PDK2: variants seen among roughly 807,000 people sequenced by gnomAD.
PDK2 encodes the protein pyruvate dehydrogenase kinase, isozyme 2.
PDK2 carries 34 observed loss-of-function variants against 50.4 expected under a neutral mutation model. That is an observed-to-expected ratio of 0.68 (90% CI 0.51 to 0.90). PDK2 has a LOEUF of 0.90. Among genes scored for constraint, PDK2 ranks in the 40% least tolerant of loss-of-function variants. PDK2 has a pLI of 0.00. For synonymous variants in PDK2, 232 were observed against 216.0 expected, an observed-to-expected ratio of 1.07 and a Z score of -0.65; for missense variants, 377 against 544.5, an observed-to-expected ratio of 0.69 and a Z score of 3.06.
rs986303675 is a variant in PDK2, at chr17:50,105,102, C to T, written c.261-269C>T. Among the ~76,000 whole-genome samples the T allele has an allele frequency of 2.0e-5, 3 of 152,186 alleles. No individual in the cohort carries two copies. The South Asian group carries it at 6.2e-4, about 32-fold the overall frequency. On this transcript the variant is annotated intron_variant, in intron 2 of 10. Coordinates refer to ENST00000503176, the MANE Select transcript of PDK2 (RefSeq NM_002611.5). ...TCTTAGATGGGATCATCTCCAAGCC[C>T]CTTCTGAGAGGACTATTCTAGGATT...
rs1316896931 is a variant in PDK2 at position 50,101,911 on chromosome 17, C to A, written c.261-3460C>A. 6.6e-6 allele frequency: 1 copy of A among 152,236 alleles called. No homozygotes were observed. The highest frequency in any genetic ancestry group is 2.4e-5 in the African/African-American group (1 of 41,440). 9.4% of individuals were successfully genotyped at this position (152,236 alleles called of 1,614,324 possible). A position where few individuals can be genotyped will look rare whatever the true frequency, so the allele number is the denominator to read the frequency against. ...AAGGGACTCCTGGGGGCCTTGATTA[C>A]TGCAGAGGTCAGCAGGCCCAGAGAC... On this transcript the variant is annotated intron_variant, in intron 2 of 10. Transcript: ENST00000503176. This position sits in a 1 kb window ranked among gnomAD's most constrained non-coding sequence, Gnocchi z 4.2.
chr17:50,105,792 AG>A, intron 3 of PDK2, 92 bp from the exon 4 acceptor site: 1 of 1,481,484 alleles, frequency 6.7e-7, no homozygotes, highest in South Asian at 1.3e-5. Flanking sequence ...CGGATTGGGA[AG>A]GGTAGAGCGG....
At chr17:50,107,318 C>T (rs1910568149) in intron 6 of PDK2, among the ~76,000 whole-genome samples, 165 bp downstream of exon 6, 1 of 152,292 alleles carries the variant, frequency 6.6e-6, no homozygotes, top group Non-Finnish European at 1.5e-5. Context: ...CAGTGGCTCA[C>T]ACCTGTAATC....
rs35550088 is a variant in PDK2 at position 50,097,524 on chromosome 17, C to A, written c.220C>A (p.Arg74=). 1,782 of 1,613,800 alleles carry A rather than the reference C, an allele frequency of 1.1e-3. 25 individuals are homozygous for A. The African/African-American group carries it at 0.02, about 19-fold the overall frequency. Residue 74 remains arginine, a synonymous_variant, in exon 2 of 11, where the codon CGA becomes AGA. Transcript: ENST00000503176. ...GAAAGAGATCAACCTGCTTCCCGAC[C>A]GAGTGCTGAGCACACCCTCCGTGCA... ...IMKEINLLPD[R]VLSTPSVQLV... is the part of the protein sequence containing the mutation.
intron 6 of PDK2, among the ~76,000 whole-genome samples, chr17:50,107,719 C>T (rs965733605): frequency 6.6e-6 from 1 of 152,110 alleles, no homozygotes; most frequent in Non-Finnish European, 1.5e-5. Context: ...AGTAAATAAA[C>T]AAGACCATCT....
chr17:50,097,323 C>T (rs1598206929), intron 1 of PDK2, 100 bp from the exon 2 acceptor site: 5 of 1,288,268 alleles, frequency 3.9e-6, no homozygotes, highest in East Asian at 2.5e-5. Flanking sequence ...CACTTGCTCT[C>T]TGAGCCCCCT....
chr17:50,098,938 G>A (rs1000297765), intron 2 of PDK2: 3 of 152,428 alleles, frequency 2.0e-5, no homozygotes, highest in African/African-American at 7.2e-5. Context: ...CCTGGGCAAA[G>A]GTGTGGAGAC....
At chr17:50,106,694 A>G (rs944518049) in intron 4 of PDK2, 100 bp from the exon 5 acceptor site, 8 of 943,210 alleles carry the variant, frequency 8.5e-6, no homozygotes, top group African/African-American at 3.2e-5. Context: ...CTACAGAGGC[A>G]TTGGAGGTGA....
intron 2 of PDK2, among the ~76,000 whole-genome samples, chr17:50,103,676 C>T (rs558293002): frequency 1.3e-5 from 2 of 152,316 alleles, no homozygotes; most frequent in South Asian, 4.1e-4. Flanking sequence ...TTCTTTCACT[C>T]TCTTCTCTGT....
chr17:50,097,173 C>T (rs1909993920), intron 1 of PDK2, among the ~76,000 whole-genome samples: 1 of 152,130 alleles, frequency 6.6e-6, no homozygotes, highest in South Asian at 2.1e-4. Context: ...CCAGGAGTGG[C>T]CCTGTCCACT....
At position 50,109,981 on chromosome 17, in the gene PDK2, C is replaced by T. The variant is rs753576681; in HGVS notation, c.1108C>T (p.Arg370Cys). 5.1e-6 allele frequency: 8 copies of T among 1,581,630 alleles called. No individual in the cohort carries two copies. The highest frequency in any genetic ancestry group is 1.3e-5 in the African/African-American group (1 of 74,288). The change falls in exon 11 of 11, where the codon CGC becomes TGC. Residue 370 changes from arginine to cysteine, a missense_variant. By Grantham distance (180) the Arg-to-Cys change is radical. Transcript: ENST00000503176. The surrounding 1 kb of genome is among the most constrained non-coding windows in gnomAD (Gnocchi z 5.0). ...GGCCCTGTCCACGGACTCGGTGGAGCGCCTGCCTGTCTACAACAAGTCAGC... is the reference window on the plus strand; with the variant it reads ...GGCCCTGTCCACGGACTCGGTGGAGTGCCTGCCTGTCTACAACAAGTCAGC... ...LKALSTDSVE[R>C]LPVYNKSAWR...
chr17:50,106,191 G>C (rs1047957436), intron 4 of PDK2, 122 bp downstream of exon 4: 6 of 1,506,604 alleles, frequency 4.0e-6, no homozygotes, highest in Admixed American at 2.1e-5. Context: ...TCTTTGAATA[G>C]TTACTCCAGT....
Position 50,109,249 on chromosome 17 carries a change from A to G in PDK2, c.970-38A>G, listed in dbSNP as rs913117332. The stretch of plus-strand genomic sequence containing the variant: ...CCTGCAGCTCCAGGAGGCCCCTGCC[A>G]GCCTCCTCATCCTCACTGCCTTCCT... On this transcript the variant is annotated intron_variant, in intron 9 of 10. Transcript: ENST00000503176. The surrounding 1 kb of genome is among the most constrained non-coding windows in gnomAD (Gnocchi z 5.0). 1 of 1,375,436 alleles carries G rather than the reference A, an allele frequency of 7.3e-7. No homozygotes were observed. The allele number at this position is 1,375,436 out of a possible 1,614,324, so 85.2% of individuals were successfully genotyped here.
chr17:50,104,595 C>T (rs1910405117), intron 2 of PDK2, among the ~76,000 whole-genome samples: 1 of 152,172 alleles, frequency 6.6e-6, no homozygotes. Context: ...TCAAGCTCTT[C>T]TCTTAGCCCA....
intron 1 of PDK2, 189 bp downstream of exon 1, chr17:50,095,742 T>G: frequency 7.1e-7 from 1 of 1,418,102 alleles, no homozygotes; most frequent in South Asian, 1.5e-5. Flanking sequence ...GGGCTGCTGA[T>G]GGGAATGGGG....
chr17:50,107,531 A>G (rs1910580057), intron 6 of PDK2, among the ~76,000 whole-genome samples: 1 of 152,214 alleles, frequency 6.6e-6, no homozygotes, highest in South Asian at 2.1e-4. Context: ...CCGTGAGCTG[A>G]GATGCTACCA....
Position 50,095,523 on chromosome 17 carries a change from C to G in PDK2, c.88C>G (p.Pro30Ala). ...IEHFSKFSPS[P>A]LSMKQFLDFG... ...GCACTTCAGCAAGTTCTCCCCGTCCCCGCTGTCCATGAAGCAGTTTCTGGA... is the reference window on the plus strand; with the variant it reads ...GCACTTCAGCAAGTTCTCCCCGTCCGCGCTGTCCATGAAGCAGTTTCTGGA... Residue 30 changes from proline to alanine, a missense_variant, in exon 1 of 11, where the codon CCG becomes GCG. Pro to Ala is a conservative substitution (Grantham distance 27, BLOSUM62 -1). Coordinates refer to ENST00000503176, the MANE Select transcript of PDK2 (RefSeq NM_002611.5). 1.2e-6 allele frequency: 2 copies of G among 1,607,384 alleles called. No homozygotes were observed. Among genetic ancestry groups the G allele is most frequent in the Non-Finnish European group, 1.7e-6 (2 of 1,177,080 alleles).
intron 2 of PDK2, among the ~76,000 whole-genome samples, chr17:50,105,024 T>C (rs1429494535): frequency 6.6e-6 from 1 of 152,194 alleles, no homozygotes; most frequent in African/African-American, 2.4e-5. Flanking sequence ...CTGCAGGCGC[T>C]AGGTCCAGTC....
chr17:50,103,333 G>T (rs1223780814), intron 2 of PDK2, among the ~76,000 whole-genome samples: 2 of 152,212 alleles, frequency 1.3e-5, no homozygotes, highest in Non-Finnish European at 1.5e-5. Flanking sequence ...AGTGGGGCAG[G>T]TCTCCAGGGC....
Sources: gnomAD v4.1 joint callset for allele counts (sites outside exome capture counted in the v4.1 genomes callset) on GRCh38, gnomAD v4.1.1 for gene constraint, Gnocchi (gnomAD v3.1) non-coding constraint, MANE v1.5 for transcripts, NCBI Gene and HGNC (gene_info 2026-07-23, HGNC 2026-07-21) for gene names.